Variants in LRRC8C observed in about 807,000 individuals in gnomAD.
The protein encoded by LRRC8C is volume-regulated anion channel subunit LRRC8C.
LRRC8C carries 20 observed loss-of-function variants against 55.3 expected under a neutral mutation model. The observed-to-expected ratio is 0.36, with a 90% CI of 0.25 to 0.53. LRRC8C has a LOEUF of 0.53. Ranked by LOEUF, LRRC8C falls within the 20% of genes least tolerant of loss-of-function variation. The pLI is 0.92. For missense variants in LRRC8C, 659 were observed against 951.4 expected (o/e 0.69, Z 4.04); for synonymous variants, 376 against 360.7 (o/e 1.04, Z -0.48).
In LRRC8C at chr1:89,713,023, C is replaced by T; in HGVS notation, c.453C>T (p.Ser151=). ...CSNFWFKFPG[S]SSKIEHFISI... ...ACTTTTGGTTCAAATTCCCTGGTTC[C>T]AGCTCCAAAATAGAACATTTCATCT... The change falls in exon 3 of 3, where the codon TCC becomes TCT. Residue 151 remains serine (S), a synonymous_variant. Coordinates refer to ENST00000370454, the MANE Select transcript of LRRC8C (RefSeq NM_032270.5). This position sits in a 1 kb window ranked among gnomAD's most constrained non-coding sequence, Gnocchi z 5.2. The T allele has an allele frequency of 6.2e-7, 1 of 1,614,186 alleles. No homozygotes were observed. Among genetic ancestry groups the T allele is most frequent in the East Asian group, 2.2e-5 (1 of 44,888 alleles).
rs116376469 is a variant in LRRC8C, at chr1:89,670,147, A to G, written c.-4-16323A>G. On this transcript the variant is annotated intron_variant, in intron 1 of 2. Transcript: ENST00000370454. ...AAAAGAAAGGTCCAGAATAGTTATT[A>G]TATCAGCTTAGTTCTTATTATTAAT... 3.2e-3 allele frequency among the ~76,000 whole-genome samples: 495 copies of G among 152,326 alleles called. 2 individuals carry two copies. The highest frequency in any genetic ancestry group is 5.3e-3 in the Non-Finnish European group (361 of 68,024).
intron 2 of LRRC8C, among the ~76,000 whole-genome samples, chr1:89,689,164 T>C (rs1026328053): frequency 6.6e-6 from 1 of 152,230 alleles, no homozygotes; most frequent in African/African-American, 2.4e-5. Flanking sequence ...ATGAAGTTTA[T>C]GATAATCTTA....
At chr1:89,698,299 A>C (rs894892903) in intron 2 of LRRC8C, among the ~76,000 whole-genome samples, 3 of 152,190 alleles carry the variant, frequency 2.0e-5, no homozygotes, top group Non-Finnish European at 4.4e-5. Flanking sequence ...TGCTTGCCTT[A>C]GCTGTGGTTT....
At position 89,686,527 on chromosome 1, in the gene LRRC8C, A is replaced by C; in HGVS notation, c.54A>C (p.Arg18=). Residue 18 remains arginine, a synonymous_variant, in exon 2 of 3, where the codon CGA becomes CGC. Coordinates refer to ENST00000370454, the MANE Select transcript of LRRC8C (RefSeq NM_032270.5). ...TCTCTGAGCAGCAGCCTGCCTTCCG[A>C]GTGCTGAAGCCATGGTGGGATGTGT... ...RQFSEQQPAF[R]VLKPWWDVFT... is the part of the protein sequence containing the mutation. 1 of 1,614,144 alleles carries C rather than the reference A, an allele frequency of 6.2e-7. No individual in the cohort carries two copies. Among genetic ancestry groups the C allele is most frequent in the Middle Eastern group, 1.7e-4 (1 of 6,060 alleles).
chr1:89,638,533 C>T (rs1476826882), intron 1 of LRRC8C, among the ~76,000 whole-genome samples: 1 of 152,024 alleles, frequency 6.6e-6, no homozygotes, highest in Non-Finnish European at 1.5e-5. Flanking sequence ...TTTAAAATCA[C>T]AAAAGTGCCA....
At chr1:89,646,166 T>C (rs1656609976) in intron 1 of LRRC8C, among the ~76,000 whole-genome samples, 1 of 151,860 alleles carries the variant, frequency 6.6e-6, no homozygotes, top group Non-Finnish European at 1.5e-5. Context: ...AAGACAAATG[T>C]TGGTACTTTG....
the LRRC8C span, among the ~76,000 whole-genome samples, chr1:89,624,135 C>T: frequency 5.9e-5 from 9 of 152,154 alleles, no homozygotes; most frequent in Non-Finnish European, 1.3e-4. Flanking sequence ...GAGAGAAATC[C>T]TGAGCTAGGG....
chr1:89,697,581 C>T (rs1420961785), intron 2 of LRRC8C, among the ~76,000 whole-genome samples: 2 of 152,150 alleles, frequency 1.3e-5, no homozygotes, highest in Admixed American at 1.3e-4. Context: ...AACAAATAGT[C>T]TGTTATAAAT....
At chr1:89,690,509 C>G (rs1265855255) in intron 2 of LRRC8C, among the ~76,000 whole-genome samples, 1 of 151,954 alleles carries the variant, frequency 6.6e-6, no homozygotes, top group African/African-American at 2.4e-5. Context: ...AACAAGCACA[C>G]GGAATTGTTT....
chr1:89,618,611 G>A, the LRRC8C span, among the ~76,000 whole-genome samples: 2 of 152,168 alleles, frequency 1.3e-5, no homozygotes, highest in Non-Finnish European at 2.9e-5. Context: ...GAGGAGAGAC[G>A]TGGAAATGCA....
chr1:89,714,655 T>G lies in LRRC8C; in HGVS notation c.2085T>G (p.Ile695Met). The change falls in exon 3 of 3, where the codon ATT becomes ATG. Residue 695 changes from isoleucine (I) to methionine (M), a missense_variant. Around this residue, in one of 5 missense-constraint regions of LRRC8C, gnomAD observed 344 missense variants for 464.6 expected, o/e 0.74. Transcript: ENST00000370454. The surrounding 1 kb of genome is among the most constrained non-coding windows in gnomAD (Gnocchi z 4.6). ...ACTTGGACTTATCGTACAATGACAT[T>G]CGATTTATCCCCCCTGAAATTGGAG... The part of the protein sequence containing the change: ...IRYLDLSYND[I>M]RFIPPEIGVL... The G allele has an allele frequency of 6.2e-7, 1 of 1,614,176 alleles. No individual in the cohort carries two copies. The highest frequency in any genetic ancestry group is 1.1e-5 in the South Asian group (1 of 91,084).
At chr1:89,621,271 T>C in the LRRC8C span, among the ~76,000 whole-genome samples, 14 of 144,618 alleles carry the variant, frequency 9.7e-5, no homozygotes, top group South Asian at 2.2e-4. Flanking sequence ...TCATCCTGGC[T>C]AACATGGTGA....
Position 89,705,921 on chromosome 1 carries a change from G to A in LRRC8C, c.139-6788G>A, listed in dbSNP as rs184140031. Among the ~76,000 whole-genome samples the A allele has an allele frequency of 5.6e-4, 85 of 152,210 alleles. 2 individuals are homozygous for A. Among genetic ancestry groups the A allele is most frequent in the Non-Finnish European group, 2.1e-4 (14 of 68,016 alleles). The stretch of plus-strand genomic sequence containing the variant: ...ACTCTTGAAAGGCACAAAATTAGAT[G>A]CAAACAAGTGAAAACACACACCATA... On this transcript the variant is annotated intron_variant, in intron 2 of 2. Coordinates refer to ENST00000370454, the MANE Select transcript of LRRC8C (RefSeq NM_032270.5).
Position 89,695,841 on chromosome 1 carries a change from A to C in LRRC8C, c.138+9230A>C, listed in dbSNP as rs1229155507. 3.3e-5 allele frequency among the ~76,000 whole-genome samples: 5 copies of C among 152,240 alleles called. No homozygotes were observed. The East Asian group carries it at 9.6e-4, about 29-fold the overall frequency. On this transcript the variant is annotated intron_variant, in intron 2 of 2. Transcript: ENST00000370454. The stretch of plus-strand genomic sequence containing the variant: ...CTCTTAGTATGAGTTTAGGTGAAAC[A>C]CATGGCTTTTCTGAGGCCCAGTTTT...
In LRRC8C at chr1:89,718,932, C is replaced by G. The variant is rs192733811; in HGVS notation, c.*3950C>G. ...CTTTTCTTTCTACTTAGAAACATTG[C>G]AAGAAACCTTGGACAGTCTTCACCA... On this transcript the variant is annotated 3_prime_UTR_variant, in exon 3 of 3. Transcript: ENST00000370454. 3 of 152,184 alleles carry G rather than the reference C, an allele frequency of 2.0e-5. No individual in the cohort carries two copies. The East Asian group carries it at 5.8e-4, about 29-fold the overall frequency. 9.4% of individuals were successfully genotyped at this position (152,184 alleles called of 1,614,324 possible). A position where few individuals can be genotyped will look rare whatever the true frequency, so the allele number is the denominator to read the frequency against.
upstream of LRRC8C, among the ~76,000 whole-genome samples, chr1:89,630,844 T>C (rs1656087415): frequency 6.6e-6 from 1 of 152,192 alleles, no homozygotes. Flanking sequence ...TCACTAGATT[T>C]AAGGTTTACA....
At chr1:89,657,607 A>G (rs1656984956) in intron 1 of LRRC8C, among the ~76,000 whole-genome samples, 1 of 152,004 alleles carries the variant, frequency 6.6e-6, no homozygotes, top group African/African-American at 2.4e-5. Context: ...TGGGCGTGGT[A>G]GCACACGCCT....
At chr1:89,687,811 G>A (rs995101864) in intron 2 of LRRC8C, among the ~76,000 whole-genome samples, 1 of 152,196 alleles carries the variant, frequency 6.6e-6, no homozygotes, top group African/African-American at 2.4e-5. Context: ...CTATGGGGTA[G>A]ATGTGATTTT....
chr1:89,672,648 T>A (rs1405940540), intron 1 of LRRC8C, among the ~76,000 whole-genome samples: 3 of 152,142 alleles, frequency 2.0e-5, no homozygotes, highest in African/African-American at 7.2e-5. Context: ...CCTAGAACTT[T>A]CTCCACCCCC....
Sources: gnomAD v4.1 joint callset for allele counts (sites outside exome capture counted in the v4.1 genomes callset) on GRCh38, gnomAD v4.1.1 for gene constraint, gnomAD v4.1.1 regional missense constraint, Gnocchi (gnomAD v3.1) non-coding constraint, MANE v1.5 for transcripts, NCBI Gene and HGNC (gene_info 2026-07-23, HGNC 2026-07-21) for gene names.